Variants in SMG1 observed in about 807,000 individuals in gnomAD.
The protein encoded by SMG1 is SMG1 nonsense mediated mRNA decay associated PI3K related kinase.
In SMG1, 22 loss-of-function variants were observed where a neutral mutation model predicts 419.9. The ratio of observed to expected loss-of-function variants is 0.05; its 90% CI spans 0.04 to 0.07. The LOEUF (loss-of-function observed/expected upper bound fraction) is 0.07. Ranked by LOEUF, SMG1 falls within the 10% of genes least tolerant of loss-of-function variation. The pLI is 1.00. For synonymous variants in SMG1, 1,538 were observed against 1,553.5 expected, an observed-to-expected ratio of 0.99 and a Z score of 0.23; for missense variants, 3,185 against 4,342.0, an observed-to-expected ratio of 0.73 and a Z score of 7.49.
chr16:18,849,915 C>A (rs770534650), intron 35 of SMG1, 34 bp downstream of exon 35: 1 of 1,590,434 alleles, frequency 6.3e-7, no homozygotes, highest in Non-Finnish European at 8.6e-7. Context: ...TAGTGAGAAA[C>A]TATTTTTCCT....
chr16:18,809,192 A>T lies in SMG1; in HGVS notation c.*377T>A. On this transcript the variant is annotated 3_prime_UTR_variant, in exon 63 of 63. Coordinates refer to ENST00000446231, the MANE Select transcript of SMG1 (RefSeq NM_015092.5). Reference sequence around the variant, plus strand: ...TGAGTGGGGTTTGTTTTTTTCCTGGATTGTACACACAGGGTCAGGTGGAAT... The same window carrying T: ...TGAGTGGGGTTTGTTTTTTTCCTGGTTTGTACACACAGGGTCAGGTGGAAT... 1 of 176,458 alleles carries T rather than the reference A, an allele frequency of 5.7e-6. No individual in the cohort carries two copies. The highest frequency in any genetic ancestry group is 1.2e-5 in the Non-Finnish European group (1 of 82,880). The allele number at this position is 176,458 out of a possible 1,614,324, so 10.9% of individuals were successfully genotyped here.
In SMG1 at chr16:18,805,896, T is replaced by A. The variant is rs1427430585; in HGVS notation, c.*3673A>T. The A allele has an allele frequency of 1.3e-5, 2 of 152,638 alleles. No homozygotes were observed. Among genetic ancestry groups the A allele is most frequent in the African/African-American group, 4.8e-5 (2 of 41,462 alleles). 9.5% of individuals were successfully genotyped at this position (152,638 alleles called of 1,614,324 possible). A position where few individuals can be genotyped will look rare whatever the true frequency, so the allele number is the denominator to read the frequency against. On this transcript the variant is annotated 3_prime_UTR_variant, in exon 63 of 63. Transcript: ENST00000446231. ...AAAGCATTCACTGATATTTGATGTA[T>A]CTGAATAGGACTAACAGGCTAATTG... is the stretch of plus-strand genomic sequence containing the variant.
intron 3 of SMG1, among the ~76,000 whole-genome samples, chr16:18,893,826 G>A (rs1433387648): frequency 6.6e-6 from 1 of 152,096 alleles, no homozygotes; most frequent in Non-Finnish European, 1.5e-5. Flanking sequence ...GGGAGGCCGA[G>A]GAAGGCAGAT....
intron 55 of SMG1, among the ~76,000 whole-genome samples, chr16:18,821,221 C>CTTTTTTTTTT (rs869238782): frequency 4.8e-3 from 171 of 35,594 alleles, no homozygotes; most frequent in Non-Finnish European, 6.7e-3. Flanking sequence ...TAGTATGTTT[C>CTTTTTTTTTT]TTTTTTTTTT....
intron 39 of SMG1, among the ~76,000 whole-genome samples, 177 bp from the exon 40 acceptor site, chr16:18,842,631 C>A (rs1014122546): frequency 2.0e-5 from 3 of 152,094 alleles, no homozygotes; most frequent in Non-Finnish European, 4.4e-5. Context: ...TCAAGACCAG[C>A]CTGAGCAACA....
chr16:18,900,519 G>A (rs2037306542), intron 1 of SMG1, among the ~76,000 whole-genome samples: 1 of 152,176 alleles, frequency 6.6e-6, no homozygotes. Context: ...TGGAAAGTGT[G>A]AAGTCAGGGA....
rs1171792917 is a variant in SMG1, at chr16:18,805,092, C to G, written c.*4477G>C. ...AAAAGCCACTATTTATACATTGTTA[C>G]TAAGACAAGGAAGATTCAGTTCAAC... On this transcript the variant is annotated 3_prime_UTR_variant, in exon 63 of 63. Coordinates refer to ENST00000446231, the MANE Select transcript of SMG1 (RefSeq NM_015092.5). The G allele has an allele frequency of 6.6e-6, 1 of 152,580 alleles. No individual in the cohort carries two copies. Among genetic ancestry groups the G allele is most frequent in the African/African-American group, 2.4e-5 (1 of 41,432 alleles). The allele number at this position is 152,580 out of a possible 1,614,324, so 9.5% of individuals were successfully genotyped here.
At chr16:18,900,717 C>G (rs892158768) in intron 1 of SMG1, among the ~76,000 whole-genome samples, 2 of 152,176 alleles carry the variant, frequency 1.3e-5, no homozygotes, top group African/African-American at 4.8e-5. Context: ...GAGATTTGCA[C>G]TAAAGCCAAT....
chr16:18,815,348 A>G, intron 59 of SMG1, 67 bp from the exon 60 acceptor site: 1 of 1,552,998 alleles, frequency 6.4e-7, no homozygotes, highest in Non-Finnish European at 8.8e-7. Flanking sequence ...AAAAATATGA[A>G]CAAAACTGAA....
rs1379834593 is a variant in SMG1 at position 18,926,047 on chromosome 16, T to G, written c.-6A>C. 1 of 1,562,750 alleles carries G rather than the reference T, an allele frequency of 6.4e-7. No homozygotes were observed. Among genetic ancestry groups the G allele is most frequent in the Non-Finnish European group, 8.6e-7 (1 of 1,164,032 alleles). On this transcript the variant is annotated 5_prime_UTR_variant, in exon 1 of 63. Transcript: ENST00000446231. ...CCCGGGGCTCTGCGGCTCATTACCTTCCCCGACACGACATGGCCAAGCGCC... is the reference window on the plus strand; with the variant it reads ...CCCGGGGCTCTGCGGCTCATTACCTGCCCCGACACGACATGGCCAAGCGCC...
At chr16:18,894,932 C>T (rs1462323972) in intron 3 of SMG1, among the ~76,000 whole-genome samples, 2 of 152,122 alleles carry the variant, frequency 1.3e-5, no homozygotes, top group Non-Finnish European at 2.9e-5. Flanking sequence ...AGTCTCCTGC[C>T]TCAGCCTCCC....
At chr16:18,848,854 C>A (rs929832348) in intron 36 of SMG1, among the ~76,000 whole-genome samples, 1 of 151,712 alleles carries the variant, frequency 6.6e-6, no homozygotes, top group African/African-American at 2.4e-5. Flanking sequence ...AAGTGGATCA[C>A]GAGGTCAGGA....
intron 56 of SMG1, 21 bp downstream of exon 56, chr16:18,819,481 G>A: frequency 2.5e-6 from 4 of 1,606,022 alleles, no homozygotes; most frequent in Non-Finnish European, 2.6e-6. Context: ...ATACAAAGAT[G>A]GTGCATGTAA....
chr16:18,872,782 A>G (rs553504955), intron 13 of SMG1, among the ~76,000 whole-genome samples, 158 bp from the exon 14 acceptor site: 2 of 152,342 alleles, frequency 1.3e-5, no homozygotes, highest in East Asian at 3.9e-4. Flanking sequence ...ACACTTTTTT[A>G]TGAAGTCAGT....
intron 23 of SMG1, among the ~76,000 whole-genome samples, chr16:18,865,258 T>C (rs1458209714): frequency 6.6e-6 from 1 of 152,154 alleles, no homozygotes; most frequent in Admixed American, 6.5e-5. Flanking sequence ...CTATTAGTCA[T>C]TAATAAATAT....
chr16:18,849,838 T>C (rs1239489607), intron 35 of SMG1, 111 bp downstream of exon 35: 2 of 1,034,194 alleles, frequency 1.9e-6, no homozygotes, highest in African/African-American at 3.2e-5. Flanking sequence ...GAAGTTAATC[T>C]GGCTATTCTT....
intron 28 of SMG1, 108 bp downstream of exon 28, chr16:18,858,914 G>C: frequency 1.2e-6 from 1 of 808,370 alleles, no homozygotes; most frequent in Non-Finnish European, 1.8e-6. Context: ...GGATCTACTA[G>C]CTTGCCCAGC....
In SMG1 at chr16:18,841,633, C is replaced by T; in HGVS notation, c.6628G>A (p.Gly2210Arg). The change falls in exon 41 of 63, where the codon GGA (glycine) becomes AGA (arginine). Residue 2210 changes from glycine (G) to arginine (R), a missense_variant. Transcript: ENST00000446231. Reference protein sequence around the residue: ...TRSGLIQWVDGATPLFGLYKR... With the variant: ...TRSGLIQWVDRATPLFGLYKR... ...TAAAGACCAAATAAGGGTGTGGCTC[C>T]ATCTACCCACTGGATTAGTCCTGAT... is the stretch of plus-strand genomic sequence containing the variant. 1 of 1,613,984 alleles carries T rather than the reference C, an allele frequency of 6.2e-7. No individual in the cohort carries two copies. Among genetic ancestry groups the T allele is most frequent in the African/African-American group, 1.3e-5 (1 of 75,024 alleles).
At chr16:18,890,078 G>C (rs2036809341) in intron 5 of SMG1, among the ~76,000 whole-genome samples, 2 of 152,130 alleles carry the variant, frequency 1.3e-5, no homozygotes, top group African/African-American at 4.8e-5. Context: ...GATAAATTTT[G>C]GGTACTTGCC....
Sources: allele counts gnomAD v4.1 joint callset (sites outside exome capture counted in the v4.1 genomes callset), GRCh38; gene constraint gnomAD v4.1.1; transcripts MANE v1.5; gene names NCBI Gene and HGNC (gene_info 2026-07-23, HGNC 2026-07-21).